The following VANGL2 variants were observed in gnomAD, a reference collection of about 807,000 sequenced individuals.
VANGL2 encodes vang-like protein 2.
A neutral mutation model predicts 50.2 loss-of-function variants in VANGL2; 14 were observed. The observed-to-expected ratio is 0.28, with a 90% CI of 0.18 to 0.44. The LOEUF is 0.44. VANGL2 is among the 20% of genes least tolerant of loss of function. The pLI is 1.00. For missense variants in VANGL2, 533 were observed against 701.5 expected (o/e 0.76, Z 2.71); for synonymous variants, 295 against 297.2 (o/e 0.99, Z 0.08).
chr1:160,425,965 A>G lies in VANGL2; in HGVS notation c.*587A>G, dbSNP rs1651440579. ...AGTTAGAAATCTCCTTGCTAGGAGC[A>G]TTTGCTTCCACATATATTTAGAGCA... On this transcript the variant is annotated 3_prime_UTR_variant, in exon 8 of 8. Coordinates refer to ENST00000368061, the MANE Select transcript of VANGL2 (RefSeq NM_020335.3). The G allele has an allele frequency of 6.6e-6, 1 of 152,446 alleles. No homozygotes were observed. The highest frequency in any genetic ancestry group is 1.5e-5 in the Non-Finnish European group (1 of 68,278). The allele number at this position is 152,446 out of a possible 1,614,324, so 9.4% of individuals were successfully genotyped here. A position where few individuals can be genotyped will look rare whatever the true frequency, so the allele number is the denominator to read the frequency against.
chr1:160,427,468 C>T lies in VANGL2; in HGVS notation c.*2090C>T, dbSNP rs1393036912. 6.6e-6 allele frequency: 1 copy of T among 152,156 alleles called. No individual in the cohort carries two copies. Among genetic ancestry groups the T allele is most frequent in the East Asian group, 1.9e-4 (1 of 5,178 alleles). 9.4% of individuals were successfully genotyped at this position (152,156 alleles called of 1,614,324 possible). A position where few individuals can be genotyped will look rare whatever the true frequency, so the allele number is the denominator to read the frequency against. On this transcript the variant is annotated 3_prime_UTR_variant, in exon 8 of 8. Transcript: ENST00000368061. ...CTTTCCTAAAAAAAATTTTTTGCCT[C>T]CAACTCTCTAAGCACTAAGGGCTGT...
chr1:160,405,904 C>T (rs1192894186), intron 1 of VANGL2, among the ~76,000 whole-genome samples: 2 of 152,120 alleles, frequency 1.3e-5, no homozygotes, highest in Non-Finnish European at 2.9e-5. Context: ...ACAGGGACAA[C>T]CCTGCACCTA....
intron 1 of VANGL2, among the ~76,000 whole-genome samples, chr1:160,412,074 T>TA (rs1650899891): frequency 6.6e-6 from 1 of 152,234 alleles, no homozygotes; most frequent in Admixed American, 6.5e-5. Context: ...TCCTTACGGC[T>TA]ACCCCATGAA....
At chr1:160,422,064 A>C (rs1292957007) in intron 6 of VANGL2, among the ~76,000 whole-genome samples, 1 of 152,138 alleles carries the variant, frequency 6.6e-6, no homozygotes, top group Non-Finnish European at 1.5e-5. Context: ...GAGTTCCCTG[A>C]GGGAGGAGCA....
Position 160,419,172 on chromosome 1 carries a change from C to A in VANGL2, c.363C>A (p.Leu121=). The A allele has an allele frequency of 1.2e-6, 2 of 1,613,954 alleles. No homozygotes were observed. Among genetic ancestry groups the A allele is most frequent in the Non-Finnish European group, 8.5e-7 (1 of 1,180,012 alleles). The change falls in exon 4 of 8, where the codon CTC becomes CTA. Residue 121 remains leucine (L), a synonymous_variant. Transcript: ENST00000368061. This position sits in a 1 kb window ranked among gnomAD's most constrained non-coding sequence, Gnocchi z 5.8. Reference sequence around the variant, plus strand: ...CCACCCTGGCACTGCTGTCTTTCCTCACGCCTCTGGCCTTCCTGCTGCTGC... The same window carrying A: ...CCACCCTGGCACTGCTGTCTTTCCTAACGCCTCTGGCCTTCCTGCTGCTGC... ...AGATLALLSF[L]TPLAFLLLPP...
rs1412678573 is a variant in VANGL2 at position 160,425,509 on chromosome 1, G to A, written c.*131G>A. Reference sequence around the variant, plus strand: ...CTCTTTTTTTTTTACTTGAATTAACGCACCCCCACCTTCTCTCCTCGCTTC... The same window carrying A: ...CTCTTTTTTTTTTACTTGAATTAACACACCCCCACCTTCTCTCCTCGCTTC... On this transcript the variant is annotated 3_prime_UTR_variant, in exon 8 of 8. Coordinates refer to ENST00000368061, the MANE Select transcript of VANGL2 (RefSeq NM_020335.3). 52 of 857,250 alleles carry A rather than the reference G, an allele frequency of 6.1e-5. No individual in the cohort carries two copies. Among genetic ancestry groups the A allele is most frequent in the Middle Eastern group, 3.6e-4 (1 of 2,808 alleles). 53.1% of individuals were successfully genotyped at this position (857,250 alleles called of 1,614,324 possible).
intron 3 of VANGL2, among the ~76,000 whole-genome samples, chr1:160,418,721 G>T (rs992999489): frequency 1.3e-5 from 2 of 152,106 alleles, no homozygotes; most frequent in Non-Finnish European, 2.9e-5. Context: ...GGTCATTGCC[G>T]CATGTGTGGT....
chr1:160,414,489 G>A (rs189741069), intron 1 of VANGL2, among the ~76,000 whole-genome samples: 98 of 152,284 alleles, frequency 6.4e-4, no homozygotes, highest in Non-Finnish European at 1.1e-3. Flanking sequence ...GAACCGCTAA[G>A]TTTAAAGTGG....
chr1:160,414,774 A>AT (rs1487496234), intron 1 of VANGL2, among the ~76,000 whole-genome samples: 1 of 143,732 alleles, frequency 7.0e-6, no homozygotes, highest in Admixed American at 7.1e-5. Context: ...AGCAGGGAAG[A>AT]TAACATTGGG....
In VANGL2 at chr1:160,415,706, A is replaced by T. The variant is rs1651029037; in HGVS notation, c.-132A>T. Reference sequence around the variant, plus strand: ...CCCGTCCAGCAAAATAGAGTCCCTCAGGGTGACAGTTGACTTCCTGAAGGT... The same window carrying T: ...CCCGTCCAGCAAAATAGAGTCCCTCTGGGTGACAGTTGACTTCCTGAAGGT... On this transcript the variant is annotated 5_prime_UTR_variant, in exon 2 of 8. Coordinates refer to ENST00000368061, the MANE Select transcript of VANGL2 (RefSeq NM_020335.3). 5 of 1,027,284 alleles carry T rather than the reference A, an allele frequency of 4.9e-6. No homozygotes were observed. Among genetic ancestry groups the T allele is most frequent in the African/African-American group, 1.6e-5 (1 of 62,752 alleles). 63.6% of individuals were successfully genotyped at this position (1,027,284 alleles called of 1,614,324 possible). A position where few individuals can be genotyped will look rare whatever the true frequency, so the allele number is the denominator to read the frequency against.
Position 160,416,474 on chromosome 1 carries a change from G to A in VANGL2, c.192+292G>A, listed in dbSNP as rs941434741. On this transcript the variant is annotated intron_variant, in intron 3 of 7. Coordinates refer to ENST00000368061, the MANE Select transcript of VANGL2 (RefSeq NM_020335.3). ...ATTGGCCAGCTCCTCTGGAGCTGCCGCCAGCCAGTCAGGCCCGCTGGGAGT... is the reference window on the plus strand; with the variant it reads ...ATTGGCCAGCTCCTCTGGAGCTGCCACCAGCCAGTCAGGCCCGCTGGGAGT... Among the ~76,000 whole-genome samples the A allele has an allele frequency of 5.3e-5, 8 of 152,226 alleles. No individual in the cohort carries two copies. In the East Asian group the frequency reaches 5.8e-4, roughly 11 times the overall value.
At chr1:160,403,645 A>AT (rs1650557934) in intron 1 of VANGL2, among the ~76,000 whole-genome samples, 1 of 139,728 alleles carries the variant, frequency 7.2e-6, no homozygotes, top group Non-Finnish European at 1.6e-5. Flanking sequence ...AAGAGATCTG[A>AT]TCCCCTCTGA....
At chr1:160,414,865 A>AG (rs1407193858) in intron 1 of VANGL2, among the ~76,000 whole-genome samples, 1 of 151,916 alleles carries the variant, frequency 6.6e-6, no homozygotes, top group Non-Finnish European at 1.5e-5. Context: ...GGTTAGAGAG[A>AG]GGAGAGGTCA....
chr1:160,411,541 G>A (rs1230789157), intron 1 of VANGL2, among the ~76,000 whole-genome samples: 1 of 152,090 alleles, frequency 6.6e-6, no homozygotes, highest in Non-Finnish European at 1.5e-5. Flanking sequence ...AGCAGTGCTT[G>A]GATTAGTTCC....
chr1:160,420,692 C>T lies in VANGL2; in HGVS notation c.937+145C>T, dbSNP rs144754499. On this transcript the variant is annotated intron_variant, in intron 5 of 7. Transcript: ENST00000368061. Reference sequence around the variant, plus strand: ...TTCTATTCAGTCATTTCCCTTGACTCCAGGTGGCTGATCTTAGCTGCTCAT... The same window carrying T: ...TTCTATTCAGTCATTTCCCTTGACTTCAGGTGGCTGATCTTAGCTGCTCAT... 280 of 1,288,478 alleles carry T rather than the reference C, an allele frequency of 2.2e-4. 1 individual carries two copies. In the Middle Eastern group the frequency reaches 3.7e-3, roughly 17 times the overall value. 79.8% of individuals were successfully genotyped at this position (1,288,478 alleles called of 1,614,324 possible). A position where few individuals can be genotyped will look rare whatever the true frequency, so the allele number is the denominator to read the frequency against.
intron 1 of VANGL2, among the ~76,000 whole-genome samples, chr1:160,408,535 A>G (rs1650766155): frequency 6.6e-6 from 1 of 152,072 alleles, no homozygotes; most frequent in Non-Finnish European, 1.5e-5. Context: ...GGAAGCCTAG[A>G]TGCCTGGATG....
intron 1 of VANGL2, among the ~76,000 whole-genome samples, chr1:160,401,546 C>T (rs1650464078): frequency 6.6e-6 from 1 of 152,016 alleles, no homozygotes; most frequent in African/African-American, 2.4e-5. Flanking sequence ...GATCCGTGTG[C>T]ATGATTCTTT....
chr1:160,413,569 T>C (rs951812531), intron 1 of VANGL2, among the ~76,000 whole-genome samples: 2 of 152,138 alleles, frequency 1.3e-5, no homozygotes, highest in Admixed American at 6.5e-5. Context: ...ATTTTAGTTT[T>C]TAACATAATC....
At chr1:160,420,975 C>T in intron 5 of VANGL2, 77 bp from the exon 6 acceptor site, 1 of 1,596,582 alleles carries the variant, frequency 6.3e-7, no homozygotes, top group Non-Finnish European at 8.5e-7. Context: ...TGTCAGGCTG[C>T]TGTCTCCAGA....
Sources: gnomAD v4.1 joint callset for allele counts (sites outside exome capture counted in the v4.1 genomes callset) on GRCh38, gnomAD v4.1.1 for gene constraint, Gnocchi (gnomAD v3.1) non-coding constraint, MANE v1.5 for transcripts, NCBI Gene and HGNC (gene_info 2026-07-23, HGNC 2026-07-21) for gene names.